P2RX5: variants seen among roughly 807,000 people sequenced by gnomAD.
P2RX5 encodes the protein purinergic receptor P2X 5, also known as P2X purinoceptor 5.
A neutral mutation model predicts 54.1 loss-of-function variants in P2RX5; 46 were observed. The observed-to-expected ratio is 0.85, with a 90% CI of 0.67 to 1.09. The LOEUF (loss-of-function observed/expected upper bound fraction) is 1.09, where lower values mean the gene tolerates loss of function less well. Among genes scored for constraint, P2RX5 ranks in the 50% least tolerant of loss-of-function variants. The probability of loss-of-function intolerance (pLI) is 0.00; values close to 1 mark genes in which losing one functional copy is unlikely to be tolerated. For missense variants in P2RX5, 566 were observed against 549.8 expected (o/e 1.03, Z -0.29); for synonymous variants, 226 against 226.4 (o/e 1.00, Z 0.02).
At chr17:3,700,464 C>T (rs374043882), upstream of P2RX5, among the ~76,000 whole-genome samples, 104 of 150,656 alleles carry the variant, frequency 6.9e-4, no homozygotes, top group African/African-American at 2.4e-3. Context: ...ACTCGGGAGG[C>T]GGAGCTTGCA....
chr17:3,700,448 G>C (rs1168255461), upstream of P2RX5, among the ~76,000 whole-genome samples: 1 of 151,716 alleles, frequency 6.6e-6, no homozygotes, highest in East Asian at 1.9e-4. Flanking sequence ...CAGGAGAATC[G>C]CTTGAACTCG....
intron 3 of P2RX5, 58 bp from the exon 4 acceptor site, chr17:3,690,738 C>A: frequency 1.3e-6 from 2 of 1,548,620 alleles, no homozygotes; most frequent in South Asian, 1.1e-5. Flanking sequence ...GAGCCGGGTC[C>A]CACTCCAGGA....
At chr17:3,722,863 T>C in the P2RX5 span, among the ~76,000 whole-genome samples, 9 of 152,168 alleles carry the variant, frequency 5.9e-5, no homozygotes, top group Admixed American at 2.0e-4. Flanking sequence ...GACGGATAGC[T>C]GTTACGTGGG....
chr17:3,692,156 A>AT (rs1375474271), intron 1 of P2RX5, among the ~76,000 whole-genome samples: 17 of 151,398 alleles, frequency 1.1e-4, no homozygotes, highest in Non-Finnish European at 2.1e-4. Context: ...AAAAAAAAAA[A>AT]AATACAAAAA....
At chr17:3,684,700 G>C (rs2050385421) in intron 9 of P2RX5, among the ~76,000 whole-genome samples, 1 of 152,182 alleles carries the variant, frequency 6.6e-6, no homozygotes. Flanking sequence ...ACGACACCCA[G>C]CACAGCCCTC....
intron 10 of P2RX5, 107 bp from the exon 11 acceptor site, chr17:3,679,891 C>T: frequency 2.1e-6 from 2 of 940,582 alleles, no homozygotes; most frequent in East Asian, 5.2e-5. Context: ...GGCCGCCACC[C>T]TGCTTCCTCC....
At chr17:3,716,157 C>G in the P2RX5 span, among the ~76,000 whole-genome samples, 1 of 141,512 alleles carries the variant, frequency 7.1e-6, no homozygotes, top group Admixed American at 7.0e-5. Flanking sequence ...GGCGAAAGAG[C>G]GGAACTCCGT....
intron 11 of P2RX5, among the ~76,000 whole-genome samples, chr17:3,678,894 G>A (rs548177521): frequency 2.0e-5 from 3 of 152,312 alleles, no homozygotes; most frequent in Non-Finnish European, 4.4e-5. Flanking sequence ...GAGCAGGCCC[G>A]AGACAGGTCC....
intron 10 of P2RX5, among the ~76,000 whole-genome samples, chr17:3,680,790 T>G (rs1263283931): frequency 4.3e-5 from 4 of 93,070 alleles, no homozygotes; most frequent in East Asian, 3.8e-4. Context: ...TCCTCCACCC[T>G]GCATCCTCCA....
chr17:3,717,764 T>A, the P2RX5 span: 3 of 152,206 alleles, frequency 2.0e-5, no homozygotes, highest in Non-Finnish European at 4.4e-5. Context: ...CCAGTCCTAT[T>A]TAGCTCATAG....
In P2RX5 at chr17:3,691,012, A is replaced by G. The variant is rs752156429; in HGVS notation, c.304T>C (p.Phe102Leu). Residue 102 changes from phenylalanine (F) to leucine (L), a missense_variant, in exon 3 of 12, where the codon TTT (phenylalanine) becomes CTT (leucine). Physicochemically the swap from Phe to Leu is conservative, Grantham distance 22 (BLOSUM62 0). Transcript: ENST00000225328. ...GTCACAATCAGGTTGGTGACCACAA[A>G]AAAGACGTTCTCTCCCTAAGGAACC... ...VIPAQGENVF[F>L]VVTNLIVTPN... 6.2e-7 allele frequency: 1 copy of G among 1,612,878 alleles called. No homozygotes were observed. The highest frequency in any genetic ancestry group is 8.5e-7 in the Non-Finnish European group (1 of 1,179,578).
the P2RX5 span, among the ~76,000 whole-genome samples, chr17:3,701,993 G>A: frequency 6.6e-6 from 1 of 151,990 alleles, no homozygotes; most frequent in Non-Finnish European, 1.5e-5. Context: ...TGGTTAGGCT[G>A]GTCTCGAACT....
chr17:3,677,205 A>G (rs939331320), intron 11 of P2RX5: 1 of 985,218 alleles, frequency 1.0e-6, no homozygotes, highest in African/African-American at 1.7e-5. Context: ...CAGCCCGTTT[A>G]CACCTGCTGA....
chr17:3,712,603 A>G, the P2RX5 span, among the ~76,000 whole-genome samples: 78,431 of 152,106 alleles, frequency 0.52, 20,956 homozygotes, highest in African/African-American at 0.62. Context: ...TTTGCAAATA[A>G]AATTGTCTCC....
chr17:3,682,370 G>A (rs186101684), intron 9 of P2RX5: 2 of 348,802 alleles, frequency 5.7e-6, no homozygotes, highest in Admixed American at 7.9e-5. Flanking sequence ...GCGTGTCGAT[G>A]ACGACCCACA....
At chr17:3,681,873 G>T (rs372085966) in intron 10 of P2RX5, 23 bp downstream of exon 10, 1 of 1,568,608 alleles carries the variant, frequency 6.4e-7, no homozygotes, top group Admixed American at 1.7e-5. Context: ...CCCTCGGGCC[G>T]CCGGCCTGGA....
At chr17:3,716,415 G>A in the P2RX5 span, among the ~76,000 whole-genome samples, 3 of 152,158 alleles carry the variant, frequency 2.0e-5, no homozygotes, top group Non-Finnish European at 4.4e-5. Flanking sequence ...ACAGGTAACC[G>A]AACATAACAG....
the P2RX5 span, chr17:3,720,186 G>C: frequency 1.7e-6 from 1 of 592,506 alleles, no homozygotes; most frequent in Non-Finnish European, 3.0e-6. Flanking sequence ...AGCGATGGCA[G>C]AGCCAAGATC....
At position 3,688,611 on chromosome 17, in the gene P2RX5, C is replaced by G; in HGVS notation, c.887+15G>C. 1 of 1,614,068 alleles carries G rather than the reference C, an allele frequency of 6.2e-7. No individual in the cohort carries two copies. Among genetic ancestry groups the G allele is most frequent in the Non-Finnish European group, 8.5e-7 (1 of 1,179,956 alleles). ...ATCATGGTCAGGTCACAAGTGGGCA[C>G]AAGGCAGCGGTTACCTGAAGTTGTA... On this transcript the variant is annotated intron_variant, in intron 8 of 11. Transcript: ENST00000225328.
Sources: allele counts gnomAD v4.1 joint callset (sites outside exome capture counted in the v4.1 genomes callset), GRCh38; gene constraint gnomAD v4.1.1; transcripts MANE v1.5; gene names NCBI Gene and HGNC (gene_info 2026-07-23, HGNC 2026-07-21).